The following SYN3 variants were observed in gnomAD, a reference collection of about 807,000 sequenced individuals.
SYN3 encodes synapsin III, also known as synapsin-3.
Under a neutral mutation model 65.8 loss-of-function variants are expected in SYN3, and 35 were observed. The ratio of observed to expected loss-of-function variants is 0.53; its 90% CI spans 0.41 to 0.70. The LOEUF (loss-of-function observed/expected upper bound fraction) is 0.70. Among genes scored for constraint, SYN3 ranks in the 30% least tolerant of loss-of-function variants. The probability of loss-of-function intolerance (pLI) is 0.00; values close to 1 mark genes in which losing one functional copy is unlikely to be tolerated. For missense variants in SYN3, 680 were observed against 749.0 expected (o/e 0.91, Z 1.08); for synonymous variants, 270 against 292.9 (o/e 0.92, Z 0.80).
chr22:32,965,109 CCTCT>C (rs1444685040), intron 3 of SYN3, among the ~76,000 whole-genome samples: 2 of 152,164 alleles, frequency 1.3e-5, no homozygotes, highest in Admixed American at 6.5e-5. Context: ...GGACACTTAA[CCTCT>C]CTGAGTCTCA....
intron 1 of SYN3, among the ~76,000 whole-genome samples, chr22:33,030,262 C>T (rs133974): frequency 0.67 from 101,427 of 152,114 alleles, 34,446 homozygotes; most frequent in African/African-American, 0.74. Context: ...AGAAAACACA[C>T]GGTGCCAAAT....
At chr22:32,808,919 T>G (rs568040005) in intron 6 of SYN3, among the ~76,000 whole-genome samples, 2 of 152,156 alleles carry the variant, frequency 1.3e-5, no homozygotes, top group South Asian at 4.1e-4. Context: ...CTAACCCACT[T>G]TAGAGGGTAA....
At chr22:32,762,192 T>C (rs960987005) in intron 6 of SYN3, among the ~76,000 whole-genome samples, 1 of 152,210 alleles carries the variant, frequency 6.6e-6, no homozygotes, top group Admixed American at 6.5e-5. Context: ...TGTCCATACA[T>C]CCTTCCTCAG....
At chr22:32,776,896 C>A (rs1408194625) in intron 6 of SYN3, among the ~76,000 whole-genome samples, 1 of 152,184 alleles carries the variant, frequency 6.6e-6, no homozygotes, top group Non-Finnish European at 1.5e-5. Context: ...GAGCCGCCCC[C>A]TATCCCTTGA....
intron 6 of SYN3, among the ~76,000 whole-genome samples, chr22:32,617,970 A>G (rs1342788082): frequency 6.6e-6 from 1 of 152,064 alleles, no homozygotes; most frequent in African/African-American, 2.4e-5. Flanking sequence ...ACAATAAGTA[A>G]TTCCTTATTG....
intron 3 of SYN3, among the ~76,000 whole-genome samples, chr22:32,938,697 C>G (rs542498160): frequency 6.6e-6 from 1 of 151,928 alleles, no homozygotes; most frequent in East Asian, 1.9e-4. Context: ...GAGGCCAAGA[C>G]GGGTGGATAA....
rs115968798 is a variant in SYN3, at chr22:32,986,834, G to C, written c.312-6132C>G. Among the ~76,000 whole-genome samples, 918 of 152,192 alleles carry C rather than the reference G, an allele frequency of 6.0e-3. 5 individuals are homozygous for C. Among genetic ancestry groups the C allele is most frequent in the African/African-American group, 0.019 (794 of 41,518 alleles). ...GGCCTGGGGGAGCTCTGGATTCCAC[G>C]AAGATTCTCTCTCCGTGGGTGGTCT... is the stretch of plus-strand genomic sequence containing the variant. On this transcript the variant is annotated intron_variant, in intron 2 of 13. Transcript: ENST00000358763.
At chr22:32,876,787 C>T (rs1347529287) in intron 4 of SYN3, among the ~76,000 whole-genome samples, 1 of 152,146 alleles carries the variant, frequency 6.6e-6, no homozygotes, top group African/African-American at 2.4e-5. Flanking sequence ...GTAAAAATGA[C>T]AGGCCTGGAA....
At chr22:32,541,051 C>A (rs5749458) in intron 8 of SYN3, among the ~76,000 whole-genome samples, 41,945 of 152,004 alleles carry the variant, frequency 0.28, 6,032 homozygotes, top group Middle Eastern at 0.41. Context: ...AGTAAATTCC[C>A]TTTAAAAACC....
chr22:32,662,807 T>C (rs112744023), intron 6 of SYN3, among the ~76,000 whole-genome samples: 4,299 of 152,294 alleles, frequency 0.028, 91 homozygotes, highest in Non-Finnish European at 0.044. Context: ...TGACCACATA[T>C]GTGTTCCAAG....
rs201719238 is a variant in SYN3, at chr22:33,008,924, C to CAAAAAAAAAAAAAA, written c.-162-2114_-162-2101dup. 1.6e-4 allele frequency among the ~76,000 whole-genome samples: 9 copies of CAAAAAAAAAAAAAA among 57,098 alleles called. 1 individual carries two copies. Among genetic ancestry groups the CAAAAAAAAAAAAAA allele is most frequent in the Non-Finnish European group, 2.3e-4 (7 of 30,970 alleles). 37.5% of individuals were successfully genotyped at this position (57,098 alleles called of 152,430 possible). On this transcript the variant is annotated intron_variant, in intron 1 of 13. Coordinates refer to ENST00000358763, the MANE Select transcript of SYN3 (RefSeq NM_003490.4). ...TGGGTGACAGAGTAAGACTTTATCT[C>CAAAAAAAAAAAAAA]AAAAAAAAAAAAAAAAAAAAAAAAA...
chr22:33,055,675 G>C (rs767550885), intron 1 of SYN3, among the ~76,000 whole-genome samples: 3 of 152,194 alleles, frequency 2.0e-5, no homozygotes, highest in East Asian at 1.9e-4. Context: ...AAAAGGGAGG[G>C]AGTACAGAAG....
rs543173763 is a variant in SYN3 at position 32,891,275 on chromosome 22, CT to C, written c.462-22151del. On this transcript the variant is annotated intron_variant, in intron 4 of 13. Transcript: ENST00000358763. Reference sequence around the variant, plus strand: ...CTTCCTGGAGGCCACTTCTCCAGTCCTTTTGATGACATTCTCGAAACCTAAA... The same window carrying C: ...CTTCCTGGAGGCCACTTCTCCAGTCCTTTGATGACATTCTCGAAACCTAAA... 1.6e-3 allele frequency among the ~76,000 whole-genome samples: 247 copies of C among 152,282 alleles called. 1 individual carries two copies. Among genetic ancestry groups the C allele is most frequent in the African/African-American group, 5.6e-3 (234 of 41,544 alleles).
At chr22:32,665,072 C>T (rs2147031513) in intron 6 of SYN3, among the ~76,000 whole-genome samples, 1 of 147,230 alleles carries the variant, frequency 6.8e-6, no homozygotes, top group Non-Finnish European at 1.5e-5. Flanking sequence ...CATCCCGGCT[C>T]ACCACAACCT....
intron 12 of SYN3, among the ~76,000 whole-genome samples, chr22:32,524,840 C>T (rs916132416): frequency 1.3e-5 from 2 of 152,136 alleles, no homozygotes; most frequent in Non-Finnish European, 2.9e-5. Context: ...GAAACTCCAT[C>T]TCTACTAAAA....
intron 6 of SYN3, among the ~76,000 whole-genome samples, chr22:32,828,574 C>CTTTA (rs780755891): frequency 6.6e-6 from 1 of 152,206 alleles, no homozygotes; most frequent in Non-Finnish European, 1.5e-5. Flanking sequence ...CTTTAAGGGC[C>CTTTA]TTTATTTGGT....
At chr22:32,705,622 T>C (rs2060870607) in intron 6 of SYN3, among the ~76,000 whole-genome samples, 1 of 152,258 alleles carries the variant, frequency 6.6e-6, no homozygotes, top group Admixed American at 6.5e-5. Context: ...AAAAATAGCA[T>C]TGAATCTGTA....
intron 13 of SYN3, among the ~76,000 whole-genome samples, chr22:32,515,850 G>C (rs1184123529): frequency 2.0e-5 from 3 of 151,960 alleles, no homozygotes; most frequent in Non-Finnish European, 4.4e-5. Context: ...CCAGGCTGGA[G>C]TGCAGTGGCA....
At chr22:32,698,246 A>G (rs2060764704) in intron 6 of SYN3, among the ~76,000 whole-genome samples, 3 of 152,084 alleles carry the variant, frequency 2.0e-5, no homozygotes, top group Admixed American at 1.3e-4. Context: ...TCTACTGACA[A>G]CTTCAAGGTG....
Sources: gnomAD v4.1 joint callset for allele counts (sites outside exome capture counted in the v4.1 genomes callset) on GRCh38, gnomAD v4.1.1 for gene constraint, MANE v1.5 for transcripts, NCBI Gene and HGNC (gene_info 2026-07-23, HGNC 2026-07-21) for gene names.